Variants in SCARB1 observed in about 807,000 individuals in gnomAD.
The protein encoded by SCARB1 is scavenger receptor class B member 1, also known as CD36 and LIMPII analogous 1.
A neutral mutation model predicts 57.2 loss-of-function variants in SCARB1; 30 were observed. The observed-to-expected ratio is 0.52, with a 90% CI of 0.39 to 0.71. SCARB1 has a LOEUF of 0.71. SCARB1 is among the 30% of genes least tolerant of loss of function. The pLI is 0.00. For missense variants in SCARB1, 543 were observed against 671.2 expected, an observed-to-expected ratio of 0.81 and a Z score of 2.11; for synonymous variants, 249 against 268.3, an observed-to-expected ratio of 0.93 and a Z score of 0.70.
At chr12:124,863,499 C>T in intron 1 of SCARB1, 96 bp downstream of exon 1, 2 of 1,359,816 alleles carry the variant, frequency 1.5e-6, no homozygotes, top group Non-Finnish European at 2.0e-6. Flanking sequence ...GATTCCGCTG[C>T]GGTCGCCCAC....
chr12:124,854,349 G>A (rs183159071), intron 1 of SCARB1, among the ~76,000 whole-genome samples: 7 of 152,342 alleles, frequency 4.6e-5, no homozygotes, highest in East Asian at 1.9e-4. Context: ...TGCGGACGTC[G>A]CCAGAAAAGT....
At chr12:124,834,408 G>A (rs1158588725) in intron 1 of SCARB1, among the ~76,000 whole-genome samples, 1 of 152,262 alleles carries the variant, frequency 6.6e-6, no homozygotes, top group Non-Finnish European at 1.5e-5. Context: ...ACAAGGGGCT[G>A]AGGGTCCGGG....
chr12:124,827,987 G>A (rs2135731685), intron 1 of SCARB1, among the ~76,000 whole-genome samples: 1 of 152,260 alleles, frequency 6.6e-6, no homozygotes, highest in East Asian at 1.9e-4. Flanking sequence ...TTGGCACCTT[G>A]CAGGAGCTCT....
intron 6 of SCARB1, among the ~76,000 whole-genome samples, chr12:124,809,833 C>T (rs1004196922): frequency 3.3e-5 from 5 of 152,272 alleles, no homozygotes; most frequent in Middle Eastern, 3.4e-3. Flanking sequence ...GTCTCAGCAC[C>T]CAGATGGTCA....
rs1873161627 is a variant in SCARB1, at chr12:124,780,128, CTTT to C, written c.*1-1545_*1-1543del. On this transcript the variant is annotated intron_variant, in intron 12 of 12. Coordinates refer to ENST00000261693, the MANE Select transcript of SCARB1 (RefSeq NM_005505.5). ...TCCTCCTTCCCCTCCTCCTCCTCCT[CTTT>C]GCCACTTGTTTGACTGAGGAACATG... Among the ~76,000 whole-genome samples the C allele has an allele frequency of 2.0e-5, 3 of 152,316 alleles. 1 individual carries two copies. Among genetic ancestry groups the C allele is most frequent in the Middle Eastern group, 6.8e-3 (2 of 294 alleles).
chr12:124,833,285 G>C (rs1356567961), intron 1 of SCARB1, among the ~76,000 whole-genome samples: 2 of 151,764 alleles, frequency 1.3e-5, no homozygotes, highest in Non-Finnish European at 2.9e-5. Context: ...GAACTCCCGG[G>C]CTGAAGCAAT....
At chr12:124,805,186 AG>A (rs1950279748) in intron 7 of SCARB1, among the ~76,000 whole-genome samples, 2 of 151,992 alleles carry the variant, frequency 1.3e-5, no homozygotes, top group African/African-American at 4.8e-5. Context: ...CAGGTGGGAG[AG>A]GGGGCAACTT....
At position 124,778,168 on chromosome 12, in the gene SCARB1, G is replaced by A; in HGVS notation, c.*419C>T. On this transcript the variant is annotated 3_prime_UTR_variant, in exon 13 of 13. Coordinates refer to ENST00000261693, the MANE Select transcript of SCARB1 (RefSeq NM_005505.5). ...CAGCCTGGCCCGTCCTGCATGGGGA[G>A]CCACCACACCGGGACTGCAGTGTTT... 1 of 313,286 alleles carries A rather than the reference G, an allele frequency of 3.2e-6. No individual in the cohort carries two copies. Among genetic ancestry groups the A allele is most frequent in the East Asian group, 5.3e-5 (1 of 18,782 alleles). 19.4% of individuals were successfully genotyped at this position (313,286 alleles called of 1,614,324 possible).
At chr12:124,829,374 G>C (rs1951295278) in intron 1 of SCARB1, among the ~76,000 whole-genome samples, 1 of 151,996 alleles carries the variant, frequency 6.6e-6, no homozygotes, top group Non-Finnish European at 1.5e-5. Context: ...TCTCCCCACA[G>C]AATCCAAGTT....
Position 124,795,280 on chromosome 12 carries a change from A to C in SCARB1, c.1129-12T>G. On this transcript the variant is annotated splice_polypyrimidine_tract_variant and intron_variant, in intron 8 of 12. Coordinates refer to ENST00000261693, the MANE Select transcript of SCARB1 (RefSeq NM_005505.5). ...GGGATTCCCGTGACCTGCGGCAACA[A>C]ACACAGTGAGGAGACTGGCCACCCC... 6.2e-7 allele frequency: 1 copy of C among 1,612,134 alleles called. No homozygotes were observed. Among genetic ancestry groups the C allele is most frequent in the Non-Finnish European group, 8.5e-7 (1 of 1,178,390 alleles).
Position 124,778,952 on chromosome 12 carries a change from A to G in SCARB1, c.*1-366T>C, listed in dbSNP as rs376114827. On this transcript the variant is annotated intron_variant, in intron 12 of 12. Coordinates refer to ENST00000261693, the MANE Select transcript of SCARB1 (RefSeq NM_005505.5). ...GAGGAGAACGTATGTTTATGTGTTG[A>G]TTTATTTTTTATTTTTTAGAGACGG... 1.4e-3 allele frequency among the ~76,000 whole-genome samples: 218 copies of G among 152,116 alleles called. 2 individuals are homozygous for G. The highest frequency in any genetic ancestry group is 5.0e-3 in the African/African-American group (208 of 41,486).
chr12:124,813,667 G>A (rs1950598203), intron 4 of SCARB1, among the ~76,000 whole-genome samples: 1 of 152,098 alleles, frequency 6.6e-6, no homozygotes, highest in African/African-American at 2.4e-5. Flanking sequence ...AAAACGTACT[G>A]AGTATCTATC....
Position 124,810,933 on chromosome 12 carries a change from G to T in SCARB1, c.727-644C>A, listed in dbSNP as rs373432592. ...ATTTTTGCCACTCTGGGCACCGGTT[G>T]GGGTACGATTTGTCCCTAGCCCTCA... On this transcript the variant is annotated intron_variant, in intron 5 of 12. Coordinates refer to ENST00000261693, the MANE Select transcript of SCARB1 (RefSeq NM_005505.5). The surrounding 1 kb of genome is among the most constrained non-coding windows in gnomAD (Gnocchi z 4.0). 3.9e-5 allele frequency among the ~76,000 whole-genome samples: 6 copies of T among 152,334 alleles called. No individual in the cohort carries two copies. The East Asian group carries it at 1.2e-3, about 29-fold the overall frequency.
chr12:124,848,847 C>T (rs976066562), intron 1 of SCARB1, among the ~76,000 whole-genome samples: 5 of 152,222 alleles, frequency 3.3e-5, no homozygotes, highest in Admixed American at 6.5e-5. Flanking sequence ...GAGAAACCCA[C>T]GGTGCAGCAA....
At chr12:124,787,330 C>T (rs1339601274) in intron 10 of SCARB1, 76 bp downstream of exon 10, 2 of 1,366,600 alleles carry the variant, frequency 1.5e-6, no homozygotes, top group Admixed American at 3.6e-5. Flanking sequence ...ACAAGCTGCT[C>T]CCCCCGCCTC....
chr12:124,863,735 G>A lies in SCARB1; in HGVS notation c.-15C>T. The stretch of plus-strand genomic sequence containing the variant: ...GAGCAGCCCATGTCTGCGCGCCTGG[G>A]GCCCACCCGCGGCTCGCAGGGCTCC... On this transcript the variant is annotated 5_prime_UTR_variant, in exon 1 of 13. Coordinates refer to ENST00000261693, the MANE Select transcript of SCARB1 (RefSeq NM_005505.5). 6.9e-7 allele frequency: 1 copy of A among 1,452,938 alleles called. No individual in the cohort carries two copies. Among genetic ancestry groups the A allele is most frequent in the Non-Finnish European group, 9.1e-7 (1 of 1,101,460 alleles). 90.0% of individuals were successfully genotyped at this position (1,452,938 alleles called of 1,614,324 possible). A position where few individuals can be genotyped will look rare whatever the true frequency, so the allele number is the denominator to read the frequency against.
In SCARB1 at chr12:124,807,944, G is replaced by A; in HGVS notation, c.843-17C>T. 6.2e-7 allele frequency: 1 copy of A among 1,613,576 alleles called. No individual in the cohort carries two copies. Among genetic ancestry groups the A allele is most frequent in the African/African-American group, 1.3e-5 (1 of 75,036 alleles). On this transcript the variant is annotated splice_polypyrimidine_tract_variant and intron_variant, in intron 6 of 12. Coordinates refer to ENST00000261693, the MANE Select transcript of SCARB1 (RefSeq NM_005505.5). The surrounding 1 kb of genome is among the most constrained non-coding windows in gnomAD (Gnocchi z 5.3). The stretch of plus-strand genomic sequence containing the variant: ...TTCATGGATCTGCAGGGGACAGACA[G>A]GATGAGAGGGGACACCCAGACCCGG...
At chr12:124,779,386 G>A (rs1872966428) in intron 12 of SCARB1, among the ~76,000 whole-genome samples, 1 of 152,204 alleles carries the variant, frequency 6.6e-6, no homozygotes, top group South Asian at 2.1e-4. Context: ...GTGACCTCAT[G>A]CTCATGGCTG....
Position 124,807,206 on chromosome 12 carries a change from A to T in SCARB1, c.1009+555T>A, listed in dbSNP as rs1435512034. Among the ~76,000 whole-genome samples the T allele has an allele frequency of 6.6e-6, 1 of 152,160 alleles. No homozygotes were observed. Among genetic ancestry groups the T allele is most frequent in the African/African-American group, 2.4e-5 (1 of 41,438 alleles). ...ACAGAGTGAGAGTCTGTCTCAAAAAAAATAATAATAAACAAGATGGGGAGA... is the reference window on the plus strand; with the variant it reads ...ACAGAGTGAGAGTCTGTCTCAAAAATAATAATAATAAACAAGATGGGGAGA... On this transcript the variant is annotated intron_variant, in intron 7 of 12. Transcript: ENST00000261693. The surrounding 1 kb of genome is among the most constrained non-coding windows in gnomAD (Gnocchi z 5.3).
Sources: allele counts gnomAD v4.1 joint callset (sites outside exome capture counted in the v4.1 genomes callset), GRCh38; gene constraint gnomAD v4.1.1; non-coding constraint Gnocchi (gnomAD v3.1); transcripts MANE v1.5; gene names NCBI Gene and HGNC (gene_info 2026-07-23, HGNC 2026-07-21).